MECOM: variants seen among roughly 807,000 people sequenced by gnomAD.
MECOM encodes histone-lysine N-methyltransferase MECOM.
In MECOM, 13 loss-of-function variants were observed where a neutral mutation model predicts 116.3. The observed-to-expected ratio is 0.11, with a 90% confidence interval of 0.07 to 0.18. MECOM has a LOEUF of 0.18. Among genes scored for constraint, MECOM ranks in the 10% least tolerant of loss-of-function variants. The probability of loss-of-function intolerance (pLI) is 1.00; values close to 1 mark genes in which losing one functional copy is unlikely to be tolerated. For missense variants in MECOM, 1,299 were observed against 1,509.0 expected, an observed-to-expected ratio of 0.86 and a Z score of 2.31; for synonymous variants, 528 against 535.2, an observed-to-expected ratio of 0.99 and a Z score of 0.19.
At chr3:169,095,338 T>C in intron 12 of MECOM, 93 bp from the exon 13 acceptor site, 1 of 1,038,032 alleles carries the variant, frequency 9.6e-7, no homozygotes, top group Non-Finnish European at 1.4e-6. Context: ...TCTCCACTCA[T>C]AAAACAACAT....
chr3:169,152,220 A>T (rs1479396028), intron 2 of MECOM, among the ~76,000 whole-genome samples: 1 of 151,686 alleles, frequency 6.6e-6, no homozygotes, highest in Non-Finnish European at 1.5e-5. Flanking sequence ...CTCTTGGTGG[A>T]CTCTGCCTTT....
intron 1 of MECOM, among the ~76,000 whole-genome samples, chr3:169,416,981 T>C (rs1162854316): frequency 2.0e-5 from 3 of 152,144 alleles, no homozygotes; most frequent in African/African-American, 7.2e-5. Context: ...GACTTAAACG[T>C]TAGACCTAAA....
intron 5 of MECOM, among the ~76,000 whole-genome samples, chr3:169,124,641 G>T (rs74681149): frequency 0.094 from 14,350 of 151,994 alleles, 736 homozygotes; most frequent in East Asian, 0.14. Flanking sequence ...AACTATTTTT[G>T]AATAAGATGA....
At chr3:169,092,844 C>A (rs1720195707) in intron 14 of MECOM, 114 bp downstream of exon 14, 3 of 1,175,164 alleles carry the variant, frequency 2.6e-6, no homozygotes, top group Admixed American at 2.0e-5. Flanking sequence ...AAATATATAC[C>A]AGTCTTTGGT....
chr3:169,255,934 G>A (rs1019509961), intron 2 of MECOM, among the ~76,000 whole-genome samples: 10 of 152,044 alleles, frequency 6.6e-5, no homozygotes, highest in South Asian at 2.1e-4. Context: ...TCAAGTTATA[G>A]ATGAAACATG....
intron 7 of MECOM, among the ~76,000 whole-genome samples, chr3:169,119,201 G>A (rs916923568): frequency 6.6e-6 from 1 of 152,128 alleles, no homozygotes; most frequent in Admixed American, 6.5e-5. Context: ...CACCAGTGGG[G>A]GTAAATCGTG....
intron 1 of MECOM, among the ~76,000 whole-genome samples, chr3:169,644,496 A>T (rs11715614): frequency 0.35 from 52,403 of 151,890 alleles, 10,034 homozygotes; most frequent in East Asian, 0.54. Context: ...ACCCCAGGTG[A>T]TCCACCTGCC....
At chr3:169,216,563 C>A (rs1416590143) in intron 2 of MECOM, among the ~76,000 whole-genome samples, 5 of 144,390 alleles carry the variant, frequency 3.5e-5, no homozygotes, top group Admixed American at 1.4e-4. Flanking sequence ...CTAATTTACA[C>A]AAACCTTCTC....
At chr3:169,304,028 G>T (rs546518895) in intron 2 of MECOM, among the ~76,000 whole-genome samples, 1 of 152,328 alleles carries the variant, frequency 6.6e-6, no homozygotes, top group South Asian at 2.1e-4. Flanking sequence ...CAATGAAGCT[G>T]CTTTTGTGTT....
chr3:169,344,803 CA>C (rs1339672966), intron 2 of MECOM, among the ~76,000 whole-genome samples: 1 of 152,164 alleles, frequency 6.6e-6, no homozygotes, highest in Admixed American at 6.6e-5. Flanking sequence ...TGGGGGCAAC[CA>C]GATCTTTGAT....
At chr3:169,129,897 A>G (rs1250653408) in intron 4 of MECOM, among the ~76,000 whole-genome samples, 1 of 152,216 alleles carries the variant, frequency 6.6e-6, no homozygotes, top group African/African-American at 2.4e-5. Flanking sequence ...TGCATAAAAG[A>G]GTAAATGAGA....
intron 2 of MECOM, among the ~76,000 whole-genome samples, chr3:169,265,783 TC>T (rs766979032): frequency 1.3e-5 from 2 of 152,230 alleles, no homozygotes; most frequent in Non-Finnish European, 2.9e-5. Context: ...AGGTGGCATA[TC>T]AGATTCTAAT....
intron 1 of MECOM, among the ~76,000 whole-genome samples, chr3:169,468,946 G>T (rs1168472063): frequency 1.3e-5 from 2 of 152,158 alleles, no homozygotes; most frequent in African/African-American, 4.8e-5. Flanking sequence ...TCATGGTCTT[G>T]GTTGAACTCA....
intron 1 of MECOM, among the ~76,000 whole-genome samples, chr3:169,492,620 T>C (rs1753230618): frequency 6.6e-6 from 1 of 152,182 alleles, no homozygotes; most frequent in Non-Finnish European, 1.5e-5. Flanking sequence ...ACCCTACCTA[T>C]AATACTGTTA....
chr3:169,276,545 T>C (rs1759596895), intron 2 of MECOM, among the ~76,000 whole-genome samples: 1 of 133,534 alleles, frequency 7.5e-6, no homozygotes, highest in Non-Finnish European at 1.5e-5. Flanking sequence ...AGACCCAGAC[T>C]CTGCCTCAAA....
intron 2 of MECOM, among the ~76,000 whole-genome samples, chr3:169,360,342 A>AAAAAAAAAAAG (rs1728086099): frequency 6.7e-6 from 1 of 149,620 alleles, no homozygotes; most frequent in Non-Finnish European, 1.5e-5. Context: ...GAAAAAAAAA[A>AAAAAAAAAAAG]AGAAAAAAGC....
chr3:169,128,152 T>C (rs752281183), intron 4 of MECOM, 92 bp from the exon 5 acceptor site: 3 of 1,022,712 alleles, frequency 2.9e-6, no homozygotes, highest in Non-Finnish European at 4.6e-6. Context: ...ACATAATAGG[T>C]ATTATTTGAT....
At chr3:169,428,065 A>G (rs1741011371) in intron 1 of MECOM, among the ~76,000 whole-genome samples, 1 of 152,208 alleles carries the variant, frequency 6.6e-6, no homozygotes, top group Non-Finnish European at 1.5e-5. Flanking sequence ...CTGTAGTCCC[A>G]GCTACTTGGG....
At chr3:169,302,311 G>A (rs1716883841) in intron 2 of MECOM, among the ~76,000 whole-genome samples, 1 of 152,176 alleles carries the variant, frequency 6.6e-6, no homozygotes, top group African/African-American at 2.4e-5. Flanking sequence ...ATGCTCCAGG[G>A]CAGGCAGAGG....
Sources: allele counts gnomAD v4.1 joint callset (sites outside exome capture counted in the v4.1 genomes callset), GRCh38; gene constraint gnomAD v4.1.1; transcripts MANE v1.5; gene names NCBI Gene and HGNC (gene_info 2026-07-23, HGNC 2026-07-21).